DAAM2: variants seen among roughly 807,000 people sequenced by gnomAD.
The protein encoded by DAAM2 is disheveled-associated activator of morphogenesis 2.
In DAAM2, 39 loss-of-function variants were observed where a neutral mutation model predicts 120.7. That is an observed-to-expected ratio of 0.32 (90% confidence interval 0.25 to 0.42). The LOEUF is 0.42. DAAM2 is among the 10% of genes least tolerant of loss of function. The pLI, the probability that DAAM2 is intolerant of heterozygous loss-of-function variation, is 1.00. For synonymous variants in DAAM2, 488 were observed against 524.9 expected (o/e 0.93, Z 0.96); for missense variants, 1,283 against 1,401.7 (o/e 0.92, Z 1.35).
Position 39,871,492 on chromosome 6 carries a change from C to A in DAAM2, c.978-14C>A, listed in dbSNP as rs752537296. On this transcript the variant is annotated splice_polypyrimidine_tract_variant and intron_variant, in intron 8 of 24. Coordinates refer to ENST00000274867, the MANE Select transcript of DAAM2 (RefSeq NM_001201427.2). Reference sequence around the variant, plus strand: ...CTGTAATGTCTACTCTCTCTGTCTCCCCATTCTGTCTAGACATTTAGACTT... The same window carrying A: ...CTGTAATGTCTACTCTCTCTGTCTCACCATTCTGTCTAGACATTTAGACTT... The A allele has an allele frequency of 2.1e-5, 32 of 1,549,604 alleles. No individual in the cohort carries two copies. The highest frequency in any genetic ancestry group is 2.8e-5 in the Non-Finnish European group (32 of 1,145,334).
intron 1 of DAAM2, chr6:39,820,059 T>C (rs1198251733): frequency 2.6e-5 from 4 of 152,228 alleles, no homozygotes; most frequent in Non-Finnish European, 5.9e-5. Flanking sequence ...GAAGCCTCCA[T>C]AGCAGCACTG....
intron 11 of DAAM2, 21 bp downstream of exon 11, chr6:39,875,489 G>A: frequency 6.2e-7 from 1 of 1,606,522 alleles, no homozygotes; most frequent in Non-Finnish European, 8.5e-7. Context: ...GCCAGCCTTT[G>A]CCCTGTCTTC....
chr6:39,812,180 G>T (rs1157975765), intron 1 of DAAM2, among the ~76,000 whole-genome samples: 1 of 152,172 alleles, frequency 6.6e-6, no homozygotes, highest in Non-Finnish European at 1.5e-5. Flanking sequence ...ACGGCAGTCA[G>T]ACCTTCTGCA....
intron 23 of DAAM2, among the ~76,000 whole-genome samples, chr6:39,900,694 A>T (rs1182910637): frequency 6.6e-6 from 1 of 152,052 alleles, no homozygotes; most frequent in Non-Finnish European, 1.5e-5. Context: ...CTGGGGTCTG[A>T]GATTCTGCAT....
chr6:39,864,132 G>T (rs1764321257), intron 3 of DAAM2, among the ~76,000 whole-genome samples: 1 of 152,160 alleles, frequency 6.6e-6, no homozygotes. Flanking sequence ...TTAAATACAA[G>T]CTGAGCAAAC....
At chr6:39,807,331 ACT>A (rs1762038526) in intron 1 of DAAM2, among the ~76,000 whole-genome samples, 1 of 152,174 alleles carries the variant, frequency 6.6e-6, no homozygotes, top group Admixed American at 6.5e-5. Flanking sequence ...GTAAAACAAT[ACT>A]CTCTTTTATT....
intron 1 of DAAM2, among the ~76,000 whole-genome samples, chr6:39,845,367 CAA>C (rs1307700482): frequency 1.9e-3 from 6 of 3,174 alleles, no homozygotes; most frequent in Non-Finnish European, 3.7e-3. Context: ...CACACATGCA[CAA>C]ACATACACAT....
chr6:39,881,670 AC>A (rs1765125855), intron 14 of DAAM2: 1 of 152,134 alleles, frequency 6.6e-6, no homozygotes, highest in East Asian at 1.9e-4. Flanking sequence ...CCAAGATTGC[AC>A]CGCTACATGC....
intron 1 of DAAM2, among the ~76,000 whole-genome samples, chr6:39,801,500 T>C (rs991749021): frequency 2.6e-5 from 4 of 152,206 alleles, no homozygotes; most frequent in African/African-American, 7.2e-5. Flanking sequence ...TTCTGCAGTA[T>C]GAAGGGGGTG....
intron 19 of DAAM2, among the ~76,000 whole-genome samples, chr6:39,893,161 A>C (rs571816848): frequency 1.3e-5 from 2 of 152,376 alleles, no homozygotes; most frequent in East Asian, 3.9e-4. Flanking sequence ...TTGGAACCAG[A>C]GTAGCTTAGC....
rs1277465033 is a variant in DAAM2 at position 39,864,465 on chromosome 6, C to A, written c.291C>A (p.Ser97Arg). 1.7e-5 allele frequency: 27 copies of A among 1,612,812 alleles called. No individual in the cohort carries two copies. Among genetic ancestry groups the A allele is most frequent in the Non-Finnish European group, 2.2e-5 (26 of 1,179,764 alleles). ...EQEDPNKLAT[S>R]WPDYYIDRIN... ...AGGACCCCAACAAGCTGGCAACCAGCTGGCCTGACTATTACATCGACCGCA... is the reference window on the plus strand; with the variant it reads ...AGGACCCCAACAAGCTGGCAACCAGATGGCCTGACTATTACATCGACCGCA... The change falls in exon 4 of 25, where the codon AGC becomes AGA. Residue 97 changes from serine to arginine, a missense_variant. Ser to Arg is a moderately radical substitution (Grantham distance 110). Around this residue, in one of 3 missense-constraint regions of DAAM2, gnomAD observed 197 missense variants for 189.3 expected, o/e 1.04. Coordinates refer to ENST00000274867, the MANE Select transcript of DAAM2 (RefSeq NM_001201427.2).
intron 1 of DAAM2, among the ~76,000 whole-genome samples, chr6:39,833,730 A>G (rs541254929): frequency 3.9e-5 from 6 of 152,318 alleles, no homozygotes; most frequent in Non-Finnish European, 7.3e-5. Context: ...CAGGGAAAAC[A>G]AGGTCCTGGC....
intron 1 of DAAM2, among the ~76,000 whole-genome samples, chr6:39,801,781 C>T (rs1761870949): frequency 6.6e-6 from 1 of 152,218 alleles, no homozygotes; most frequent in South Asian, 2.1e-4. Context: ...TCCAGACTCA[C>T]AGCTCATGTC....
chr6:39,877,930 C>T (rs1764936551), intron 11 of DAAM2, among the ~76,000 whole-genome samples: 1 of 152,228 alleles, frequency 6.6e-6, no homozygotes, highest in Non-Finnish European at 1.5e-5. Flanking sequence ...TATCCCCATT[C>T]TCTGAGCCTC....
chr6:39,830,733 G>A (rs1762851076), intron 1 of DAAM2, among the ~76,000 whole-genome samples: 1 of 152,164 alleles, frequency 6.6e-6, no homozygotes. Flanking sequence ...AGGAGGGGGT[G>A]GCGAGGGGCT....
At chr6:39,887,672 C>T in intron 16 of DAAM2, 80 bp downstream of exon 16, 2 of 914,030 alleles carry the variant, frequency 2.2e-6, no homozygotes, top group East Asian at 2.6e-5. Flanking sequence ...CAGTCTCGGG[C>T]CTCTCCCTCT....
intron 17 of DAAM2, among the ~76,000 whole-genome samples, chr6:39,889,971 T>C (rs1161389517): frequency 6.6e-6 from 1 of 151,832 alleles, no homozygotes; most frequent in Non-Finnish European, 1.5e-5. Flanking sequence ...TTACTAAAAA[T>C]ACAAAAATTA....
At chr6:39,830,694 C>T (rs1003287462) in intron 1 of DAAM2, among the ~76,000 whole-genome samples, 1 of 152,170 alleles carries the variant, frequency 6.6e-6, no homozygotes, top group East Asian at 1.9e-4. Flanking sequence ...TCTGCTCCTG[C>T]ACTCCCAAAT....
intron 1 of DAAM2, among the ~76,000 whole-genome samples, chr6:39,850,699 G>C (rs987322096): frequency 2.0e-5 from 3 of 152,164 alleles, no homozygotes; most frequent in African/African-American, 7.2e-5. Context: ...TCATTGTAGG[G>C]TTGGGGGAAT....
Sources: allele counts gnomAD v4.1 joint callset (sites outside exome capture counted in the v4.1 genomes callset), GRCh38; gene constraint gnomAD v4.1.1; regional missense constraint gnomAD v4.1.1; transcripts MANE v1.5; gene names NCBI Gene and HGNC (gene_info 2026-07-23, HGNC 2026-07-21).